PREX2: variants seen among roughly 807,000 people sequenced by gnomAD.
PREX2 encodes phosphatidylinositol 3,4,5-trisphosphate-dependent Rac exchanger 2 protein.
Under a neutral mutation model 203.2 loss-of-function variants are expected in PREX2, and 107 were observed. The ratio of observed to expected loss-of-function variants is 0.53; its 90% CI spans 0.45 to 0.62. The LOEUF (loss-of-function observed/expected upper bound fraction) is 0.62. Among genes scored for constraint, PREX2 ranks in the 20% least tolerant of loss-of-function variants. The pLI, the probability that PREX2 is intolerant of heterozygous loss-of-function variation, is 0.00. For synonymous variants in PREX2, 672 were observed against 663.6 expected, an observed-to-expected ratio of 1.01 and a Z score of -0.19; for missense variants, 1,777 against 1,955.9, an observed-to-expected ratio of 0.91 and a Z score of 1.72.
rs771110293 is a variant in PREX2, at chr8:68,146,361, T to A, written c.4231+9T>A. ...TGTTCTTTTTGCACAAGGTAAACTG[T>A]TTCTCTTTTGATGGCTGCTATACTT... On this transcript the variant is annotated intron_variant, in intron 34 of 39. Transcript: ENST00000288368. The A allele has an allele frequency of 1.2e-6, 2 of 1,606,496 alleles. No homozygotes were observed. The highest frequency in any genetic ancestry group is 1.7e-6 in the Non-Finnish European group (2 of 1,176,290).
intron 27 of PREX2, chr8:68,118,954 A>G (rs1291850344): frequency 1.3e-5 from 7 of 519,864 alleles, no homozygotes; most frequent in Non-Finnish European, 2.6e-5. Context: ...AGTATTAGGC[A>G]TGGTTGATGG....
chr8:68,137,662 A>G (rs1811139136), intron 32 of PREX2, among the ~76,000 whole-genome samples: 1 of 152,194 alleles, frequency 6.6e-6, no homozygotes, highest in Non-Finnish European at 1.5e-5. Flanking sequence ...CTATTAAAAG[A>G]CCCTGTAAAT....
intron 35 of PREX2, among the ~76,000 whole-genome samples, chr8:68,164,349 A>T (rs991548999): frequency 7.9e-6 from 1 of 126,932 alleles, no homozygotes. Context: ...CTTAATATGT[A>T]TTATATATAT....
At chr8:67,986,939 G>A (rs541584441) in intron 1 of PREX2, among the ~76,000 whole-genome samples, 1 of 152,184 alleles carries the variant, frequency 6.6e-6, no homozygotes, top group African/African-American at 2.4e-5. Flanking sequence ...ACTGAGGTGG[G>A]TGGATCATGA....
chr8:68,212,204 C>A (rs1812754248), intron 37 of PREX2, among the ~76,000 whole-genome samples: 1 of 152,170 alleles, frequency 6.6e-6, no homozygotes, highest in Admixed American at 6.5e-5. Context: ...TTGCACTTAA[C>A]TCTCCTTGAA....
intron 1 of PREX2, among the ~76,000 whole-genome samples, chr8:67,955,262 G>C (rs1316541977): frequency 1.3e-5 from 2 of 151,704 alleles, no homozygotes; most frequent in Non-Finnish European, 2.9e-5. Context: ...TGGCCTTTAA[G>C]GAAAGAGCAT....
chr8:67,960,586 G>C (rs1805608414), intron 1 of PREX2, among the ~76,000 whole-genome samples: 1 of 152,138 alleles, frequency 6.6e-6, no homozygotes, highest in Non-Finnish European at 1.5e-5. Flanking sequence ...CCACCAGGGA[G>C]GGATGGCTTT....
intron 35 of PREX2, among the ~76,000 whole-genome samples, chr8:68,179,766 T>C (rs994624164): frequency 1.3e-5 from 2 of 152,196 alleles, no homozygotes; most frequent in Admixed American, 1.3e-4. Context: ...TGACTGAAAG[T>C]ATTAAGAACA....
chr8:67,970,365 T>C (rs1362703866), intron 1 of PREX2, among the ~76,000 whole-genome samples: 5 of 152,196 alleles, frequency 3.3e-5, no homozygotes, highest in African/African-American at 1.2e-4. Flanking sequence ...TGAGAACTAT[T>C]CCTATTCATA....
rs188112296 is a variant in PREX2 at position 68,008,285 on chromosome 8, G to A, written c.142-9561G>A. Among the ~76,000 whole-genome samples, 134 of 152,230 alleles carry A rather than the reference G, an allele frequency of 8.8e-4. 1 individual carries two copies. Among genetic ancestry groups the A allele is most frequent in the African/African-American group, 2.9e-3 (120 of 41,536 alleles). ...GCCACTGATATATTAATACTTGTCCGTATCAGCCCAGCACTAACCGTTTTA... is the reference window on the plus strand; with the variant it reads ...GCCACTGATATATTAATACTTGTCCATATCAGCCCAGCACTAACCGTTTTA... On this transcript the variant is annotated intron_variant, in intron 1 of 39. Coordinates refer to ENST00000288368, the MANE Select transcript of PREX2 (RefSeq NM_024870.4).
At chr8:68,110,317 A>G (rs941604112) in intron 25 of PREX2, among the ~76,000 whole-genome samples, 4 of 152,354 alleles carry the variant, frequency 2.6e-5, no homozygotes, top group Non-Finnish European at 4.4e-5. Context: ...ACAGCTCTGT[A>G]TAGTCAGAAC....
At chr8:68,184,118 G>A (rs969464169) in intron 35 of PREX2, among the ~76,000 whole-genome samples, 1 of 152,182 alleles carries the variant, frequency 6.6e-6, no homozygotes, top group African/African-American at 2.4e-5. Flanking sequence ...TGGGCATGGG[G>A]AAGGTAGGTG....
chr8:67,958,118 C>A (rs1350706879), intron 1 of PREX2, among the ~76,000 whole-genome samples: 3 of 152,304 alleles, frequency 2.0e-5, no homozygotes, highest in East Asian at 3.9e-4. Context: ...GTGAGAAAAT[C>A]AATTTCTGCT....
rs1168879740 is a variant in PREX2 at position 68,109,030 on chromosome 8, G to A, written c.2939-386G>A. The A allele has an allele frequency of 1.1e-5, 5 of 453,566 alleles. No homozygotes were observed. In the Admixed American group the frequency reaches 1.2e-4, roughly 11 times the overall value. The allele number at this position is 453,566 out of a possible 1,614,324, so 28.1% of individuals were successfully genotyped here. ...ATAGAAGTAGAGAGTAGAATGGTGAGTAGCAGGGCCTGGGGTGGTTGGGTG... is the reference window on the plus strand; with the variant it reads ...ATAGAAGTAGAGAGTAGAATGGTGAATAGCAGGGCCTGGGGTGGTTGGGTG... On this transcript the variant is annotated intron_variant, in intron 24 of 39. Coordinates refer to ENST00000288368, the MANE Select transcript of PREX2 (RefSeq NM_024870.4).
At chr8:68,168,126 G>A (rs964412914) in intron 35 of PREX2, among the ~76,000 whole-genome samples, 3 of 152,072 alleles carry the variant, frequency 2.0e-5, no homozygotes, top group South Asian at 2.1e-4. Context: ...CTACGTGTAC[G>A]GATTTCTCAT....
At chr8:67,958,036 C>G (rs1805536011) in intron 1 of PREX2, among the ~76,000 whole-genome samples, 1 of 152,140 alleles carries the variant, frequency 6.6e-6, no homozygotes, top group Admixed American at 6.5e-5. Flanking sequence ...CCTCTGCAAG[C>G]TAAGGAGGGA....
intron 1 of PREX2, among the ~76,000 whole-genome samples, chr8:67,969,774 G>A (rs1246935006): frequency 1.3e-5 from 2 of 152,248 alleles, no homozygotes; most frequent in Middle Eastern, 3.4e-3. Context: ...CAGCTTGTTC[G>A]AAGGTTGCCA....
intron 1 of PREX2, among the ~76,000 whole-genome samples, chr8:67,963,920 C>A (rs563618407): frequency 1.3e-5 from 2 of 152,200 alleles, no homozygotes; most frequent in South Asian, 2.1e-4. Flanking sequence ...TGGGGTTAGC[C>A]GCTCAGCCAC....
rs1807507748 is a variant in PREX2, at chr8:68,019,630, C to A, written c.295C>A (p.Pro99Thr). The change falls in exon 3 of 40, where the codon CCT (proline) becomes ACT (threonine). Residue 99 changes from proline to threonine, a missense_variant. Pro to Thr is a conservative substitution (Grantham distance 38). Coordinates refer to ENST00000288368, the MANE Select transcript of PREX2 (RefSeq NM_024870.4). ...CGTGGAAGAATGCTTACACCCCGAA[C>A]CTAATGCTCAACAAGAAGTGGGAAC... is the stretch of plus-strand genomic sequence containing the variant. ...KVVEECLHPE[P>T]NAQQEVGTCF... The A allele has an allele frequency of 1.2e-6, 2 of 1,613,430 alleles. No homozygotes were observed. Among genetic ancestry groups the A allele is most frequent in the Non-Finnish European group, 8.5e-7 (1 of 1,179,650 alleles).
Sources: allele counts gnomAD v4.1 joint callset (sites outside exome capture counted in the v4.1 genomes callset), GRCh38; gene constraint gnomAD v4.1.1; transcripts MANE v1.5; gene names NCBI Gene and HGNC (gene_info 2026-07-23, HGNC 2026-07-21).